SIK3: variants seen among roughly 807,000 people sequenced by gnomAD.
SIK3 encodes SIK family kinase 3, also known as serine/threonine-protein kinase SIK3.
A neutral mutation model predicts 144.2 loss-of-function variants in SIK3; 28 were observed. That is an observed-to-expected ratio of 0.19 (90% CI 0.14 to 0.27). The LOEUF (loss-of-function observed/expected upper bound fraction) is 0.27. Among genes scored for constraint, SIK3 ranks in the 10% least tolerant of loss-of-function variants. The pLI is 1.00. For missense variants in SIK3, 1,319 were observed against 1,776.0 expected (o/e 0.74, Z 4.62); for synonymous variants, 686 against 676.3 (o/e 1.01, Z -0.22).
intron 1 of SIK3, among the ~76,000 whole-genome samples, chr11:117,095,617 T>C (rs890100297): frequency 2.0e-5 from 3 of 152,224 alleles, no homozygotes; most frequent in African/African-American, 7.2e-5. Flanking sequence ...TGTCGACAGC[T>C]GTTAGGCACA....
chr11:116,896,297 C>A lies in SIK3; in HGVS notation c.821G>T (p.Arg274Leu). The change falls in exon 6 of 25, where the codon CGC (arginine) becomes CTC (leucine). Residue 274 changes from arginine (R) to leucine (L), a missense_variant. Around this residue, in one of 8 missense-constraint regions of SIK3, gnomAD observed 125 missense variants for 285.2 expected, o/e 0.44. Coordinates refer to ENST00000445177, the MANE Select transcript of SIK3 (RefSeq NM_001366686.3). ...GATGCGGAACTTTCCACTCAGCACG[C>A]GGGCCCGCAGATTCTGCAGTGTGCT... is the stretch of plus-strand genomic sequence containing the variant. ...DGSTLQNLRA[R>L]VLSGKFRIPF... 1 of 1,613,946 alleles carries A rather than the reference C, an allele frequency of 6.2e-7. No homozygotes were observed. The highest frequency in any genetic ancestry group is 8.5e-7 in the Non-Finnish European group (1 of 1,179,868).
At chr11:116,859,133 T>C (rs1462070367) in intron 20 of SIK3, 132 bp downstream of exon 20, 2 of 845,502 alleles carry the variant, frequency 2.4e-6, no homozygotes, top group East Asian at 2.7e-5. Context: ...ATCCTGATTT[T>C]AGAAAGCGTG....
At chr11:116,891,664 G>A (rs1452916952) in intron 6 of SIK3, among the ~76,000 whole-genome samples, 2 of 112,580 alleles carry the variant, frequency 1.8e-5, no homozygotes, top group Non-Finnish European at 3.6e-5. Context: ...GTTTAAGTAA[G>A]AGAGAGAGAA....
At chr11:116,911,298 A>T (rs1448647749) in intron 4 of SIK3, among the ~76,000 whole-genome samples, 3 of 151,822 alleles carry the variant, frequency 2.0e-5, no homozygotes, top group Non-Finnish European at 4.4e-5. Flanking sequence ...ACCTGAGGTC[A>T]GGAGTTCGAG....
intron 4 of SIK3, among the ~76,000 whole-genome samples, chr11:116,922,604 T>C (rs1183338581): frequency 6.6e-6 from 1 of 152,194 alleles, no homozygotes; most frequent in Non-Finnish European, 1.5e-5. Context: ...CTAGGCAACA[T>C]AGTGAGATTC....
intron 4 of SIK3, among the ~76,000 whole-genome samples, chr11:116,910,291 T>C (rs1260073609): frequency 6.6e-6 from 1 of 151,722 alleles, no homozygotes; most frequent in Non-Finnish European, 1.5e-5. Flanking sequence ...ATGTAAACTA[T>C]CAAATGAAAA....
intron 1 of SIK3, among the ~76,000 whole-genome samples, chr11:116,974,241 T>C (rs1280112322): frequency 6.6e-6 from 1 of 152,252 alleles, no homozygotes; most frequent in Non-Finnish European, 1.5e-5. Context: ...TAAATTGTTT[T>C]GTTAGGAAAC....
At chr11:116,884,785 G>T (rs996268443) in intron 6 of SIK3, among the ~76,000 whole-genome samples, 3 of 152,044 alleles carry the variant, frequency 2.0e-5, no homozygotes, top group Admixed American at 1.3e-4. Flanking sequence ...CAAGGATGTA[G>T]TCAATGCCAC....
rs546945280 is a variant in SIK3, at chr11:116,848,584, G to A, written c.3819+536C>T. On this transcript the variant is annotated intron_variant, in intron 22 of 24. Coordinates refer to ENST00000445177, the MANE Select transcript of SIK3 (RefSeq NM_001366686.3). ...CCTATGGGCTCATTTGCTGGGGCCT[G>A]AGTTTAGACTGAGAAGAGGTTTAAT... Among the ~76,000 whole-genome samples the A allele has an allele frequency of 9.8e-5, 15 of 152,300 alleles. No homozygotes were observed. The East Asian group carries it at 2.1e-3, about 22-fold the overall frequency.
intron 1 of SIK3, among the ~76,000 whole-genome samples, chr11:117,050,245 C>T (rs1017456026): frequency 5.3e-5 from 8 of 151,822 alleles, no homozygotes; most frequent in African/African-American, 1.7e-4. Flanking sequence ...GCTGAGATCG[C>T]GCCATTGCAC....
chr11:117,096,068 G>A (rs534467512), intron 1 of SIK3, among the ~76,000 whole-genome samples: 2 of 152,276 alleles, frequency 1.3e-5, no homozygotes, highest in Admixed American at 6.5e-5. Flanking sequence ...ACACACGCAC[G>A]CACATATACA....
intron 14 of SIK3, chr11:116,870,081 A>G (rs906910477): frequency 1.9e-5 from 28 of 1,465,936 alleles, no homozygotes; most frequent in Non-Finnish European, 2.5e-5. Flanking sequence ...AGAAGGAGGG[A>G]GGAAAGAAAA....
chr11:116,863,803 G>A lies in SIK3; in HGVS notation c.1968C>T (p.Asp656=). ...VPDQHRSTYK[D]SNTLHLPTER... ...CCGTAGGGAGGTGCAGAGTGTTGGA[G>A]TCCTTGTAGGTAGAGCTGAATATAT... The change falls in exon 16 of 25, where the codon GAC becomes GAT. Residue 656 remains aspartate (D), a synonymous_variant. Transcript: ENST00000445177. 1 of 1,611,716 alleles carries A rather than the reference G, an allele frequency of 6.2e-7. No homozygotes were observed. The highest frequency in any genetic ancestry group is 2.2e-5 in the East Asian group (1 of 44,830).
chr11:117,013,972 C>CTTTTTTTTTTTTTTTTTTTTTT lies in SIK3; in HGVS notation c.274-56930_274-56909dup, dbSNP rs71037442. ...TGTGTTTTATTTCTTTTTTTCTTTT[C>CTTTTTTTTTTTTTTTTTTTTTT]TTTTTTTTTTTTTTTTTTTTTTGAG... On this transcript the variant is annotated intron_variant, in intron 1 of 24. Coordinates refer to ENST00000445177, the MANE Select transcript of SIK3 (RefSeq NM_001366686.3). 2.0e-3 allele frequency among the ~76,000 whole-genome samples: 53 copies of CTTTTTTTTTTTTTTTTTTTTTT among 27,048 alleles called. 18 individuals are homozygous for CTTTTTTTTTTTTTTTTTTTTTT. The highest frequency in any genetic ancestry group is 2.7e-3 in the African/African-American group (25 of 9,100). The allele number at this position is 27,048 out of a possible 152,430, so 17.7% of individuals were successfully genotyped here.
chr11:116,917,356 A>T (rs2135025608), intron 4 of SIK3, among the ~76,000 whole-genome samples: 1 of 152,320 alleles, frequency 6.6e-6, no homozygotes, highest in African/African-American at 2.4e-5. Context: ...TAATAAAAGT[A>T]AAACACTACT....
intron 3 of SIK3, among the ~76,000 whole-genome samples, chr11:116,927,731 A>G (rs183567466): frequency 1.5e-4 from 23 of 152,340 alleles, no homozygotes; most frequent in Non-Finnish European, 2.6e-4. Context: ...AAACACACAC[A>G]TGAAGATAAG....
intron 1 of SIK3, among the ~76,000 whole-genome samples, chr11:117,066,443 A>AT (rs1954020895): frequency 1.3e-5 from 2 of 151,900 alleles, no homozygotes; most frequent in African/African-American, 2.4e-5. Context: ...AAAAAAAAAA[A>AT]TCTTTGCAAA....
intron 3 of SIK3, among the ~76,000 whole-genome samples, chr11:116,938,176 G>A (rs949228465): frequency 3.5e-5 from 4 of 113,000 alleles, no homozygotes; most frequent in African/African-American, 1.4e-4. Flanking sequence ...CTGCACTCCC[G>A]CCTGGGCAAC....
chr11:116,951,502 A>C (rs1948934531), intron 3 of SIK3, among the ~76,000 whole-genome samples: 2 of 152,184 alleles, frequency 1.3e-5, no homozygotes, highest in Admixed American at 6.5e-5. Context: ...CATTACTTTC[A>C]ATGACAAAAG....
Sources: gnomAD v4.1 joint callset for allele counts (sites outside exome capture counted in the v4.1 genomes callset) on GRCh38, gnomAD v4.1.1 for gene constraint, gnomAD v4.1.1 regional missense constraint, MANE v1.5 for transcripts, NCBI Gene and HGNC (gene_info 2026-07-23, HGNC 2026-07-21) for gene names.